The following TC2N variants were observed in gnomAD, a reference collection of about 807,000 sequenced individuals.
TC2N encodes the protein tandem C2 domains, nuclear, also known as tandem C2 domains nuclear protein.
Under a neutral mutation model 61.9 loss-of-function variants are expected in TC2N, and 51 were observed. The observed-to-expected ratio is 0.82, with a 90% CI of 0.66 to 1.04. The LOEUF is 1.04. TC2N is among the 50% of genes least tolerant of loss of function. TC2N has a pLI of 0.00. For missense variants in TC2N, 556 were observed against 566.7 expected, an observed-to-expected ratio of 0.98 and a Z score of 0.19; for synonymous variants, 204 against 192.6, an observed-to-expected ratio of 1.06 and a Z score of -0.49.
Position 91,797,903 on chromosome 14 carries a change from TA to T in TC2N, c.739-3del, listed in dbSNP as rs1438727453. On this transcript the variant is annotated splice_region_variant and splice_polypyrimidine_tract_variant and intron_variant, in intron 7 of 11. Coordinates refer to ENST00000435962, the MANE Select transcript of TC2N (RefSeq NM_001128596.3). ...AGAGGGCCAACTTAAATCTCTGCAC[TA>T]AAAAAATTAAAAATACAGTTTGAAT... is the stretch of plus-strand genomic sequence containing the variant. 4.7e-6 allele frequency: 7 copies of T among 1,490,454 alleles called. 1 individual carries two copies. The South Asian group carries it at 4.8e-5, about 10-fold the overall frequency. The allele number at this position is 1,490,454 out of a possible 1,614,324, so 92.3% of individuals were successfully genotyped here. A position where few individuals can be genotyped will look rare whatever the true frequency, so the allele number is the denominator to read the frequency against.
At chr14:91,808,775 T>A (rs1242940308) in intron 3 of TC2N, among the ~76,000 whole-genome samples, 2 of 152,168 alleles carry the variant, frequency 1.3e-5, no homozygotes, top group Non-Finnish European at 2.9e-5. Flanking sequence ...ATTTCTTACC[T>A]TTTTTCTGAT....
At chr14:91,807,722 A>T (rs1400271866) in intron 3 of TC2N, among the ~76,000 whole-genome samples, 1 of 152,084 alleles carries the variant, frequency 6.6e-6, no homozygotes, top group Non-Finnish European at 1.5e-5. Context: ...TGAATTGTGG[A>T]CTTTTGAGTT....
intron 1 of TC2N, among the ~76,000 whole-genome samples, chr14:91,833,110 A>G (rs1887859778): frequency 6.6e-6 from 1 of 152,236 alleles, no homozygotes; most frequent in Non-Finnish European, 1.5e-5. Context: ...GGGAGAATAC[A>G]CAGGTTGGCT....
At chr14:91,828,015 A>G (rs1467189833) in intron 1 of TC2N, among the ~76,000 whole-genome samples, 1 of 152,138 alleles carries the variant, frequency 6.6e-6, no homozygotes, top group East Asian at 1.9e-4. Context: ...AACATATTTC[A>G]CCAATTACTT....
chr14:91,831,446 A>G (rs1291494175), intron 1 of TC2N, among the ~76,000 whole-genome samples: 1 of 152,216 alleles, frequency 6.6e-6, no homozygotes, highest in Admixed American at 6.5e-5. Flanking sequence ...AATTTAAAAG[A>G]AGCATGGGTG....
rs758523553 is a variant in TC2N at position 91,792,572 on chromosome 14, C to T, written c.856-14G>A. ...AAATTCAATAGCCTTAAAAAAAAAA[C>T]AAGAAAACATAAAATATATAAATAA... On this transcript the variant is annotated splice_polypyrimidine_tract_variant and intron_variant, in intron 8 of 11. Transcript: ENST00000435962. 7.9e-7 allele frequency: 1 copy of T among 1,260,674 alleles called. No homozygotes were observed. The highest frequency in any genetic ancestry group is 1.5e-5 in the African/African-American group (1 of 65,440). 78.1% of individuals were successfully genotyped at this position (1,260,674 alleles called of 1,614,324 possible).
intron 9 of TC2N, among the ~76,000 whole-genome samples, chr14:91,788,418 T>G (rs1226633803): frequency 6.6e-6 from 1 of 152,190 alleles, no homozygotes; most frequent in Non-Finnish European, 1.5e-5. Flanking sequence ...ACAAAAACAC[T>G]ATTGTTTACA....
In TC2N at chr14:91,828,375, T is replaced by C. The variant is rs552954664; in HGVS notation, c.-56-14550A>G. On this transcript the variant is annotated intron_variant, in intron 1 of 11. Transcript: ENST00000435962. ...CAAGATATAATTTTATCTGTAAATA[T>C]TTCAGTATGCATCTCTAATATTTCA... Among the ~76,000 whole-genome samples the C allele has an allele frequency of 6.2e-4, 95 of 152,174 alleles. 3 individuals are homozygous for C. The South Asian group carries it at 0.019, about 31-fold the overall frequency.
chr14:91,813,314 A>T (rs1247904980), intron 2 of TC2N, among the ~76,000 whole-genome samples: 1 of 151,678 alleles, frequency 6.6e-6, no homozygotes, highest in African/African-American at 2.4e-5. Context: ...TCTTTATTTA[A>T]ATCAAAACAT....
chr14:91,837,170 A>C lies in TC2N; in HGVS notation c.-56-23345T>G, dbSNP rs572507922. Among the ~76,000 whole-genome samples the C allele has an allele frequency of 6.6e-6, 1 of 152,222 alleles. No homozygotes were observed. The highest frequency in any genetic ancestry group is 2.4e-5 in the African/African-American group (1 of 41,538). ...GGGCTTCCTTGGTGGAAATCTCAAC[A>C]CTGCTTGGAAATGAGTTTCCTAGAC... is the stretch of plus-strand genomic sequence containing the variant. On this transcript the variant is annotated intron_variant, in intron 1 of 11. Transcript: ENST00000435962. The surrounding 1 kb of genome is among the most constrained non-coding windows in gnomAD (Gnocchi z 4.2).
chr14:91,809,777 A>C (rs1194185741), intron 3 of TC2N, among the ~76,000 whole-genome samples: 1 of 152,162 alleles, frequency 6.6e-6, no homozygotes, highest in Non-Finnish European at 1.5e-5. Flanking sequence ...GAAAGGAGAG[A>C]TTCCCAAATT....
At chr14:91,788,232 G>A (rs8022792) in intron 9 of TC2N, among the ~76,000 whole-genome samples, 152,277 of 152,278 alleles carry the variant, frequency 1, 76,138 homozygotes, top group Non-Finnish European at 1. Context: ...TGAGGCAAAC[G>A]GCAAAATGAA....
At chr14:91,812,193 A>G (rs1424536361) in intron 3 of TC2N, 119 bp downstream of exon 3, 1 of 487,482 alleles carries the variant, frequency 2.1e-6, no homozygotes, top group East Asian at 3.5e-5. Flanking sequence ...AGAAAGAGCA[A>G]AATATAAAAA....
intron 1 of TC2N, among the ~76,000 whole-genome samples, chr14:91,842,771 G>A (rs577631352): frequency 6.6e-6 from 1 of 152,288 alleles, no homozygotes; most frequent in Admixed American, 6.5e-5. Context: ...TACCACAGAA[G>A]GGACTAACCT....
At chr14:91,852,289 G>C (rs1417563958) in intron 1 of TC2N, among the ~76,000 whole-genome samples, 1 of 152,170 alleles carries the variant, frequency 6.6e-6, no homozygotes, top group African/African-American at 2.4e-5. Flanking sequence ...ACCTTAGCCG[G>C]GTGTGGTGGT....
intron 3 of TC2N, among the ~76,000 whole-genome samples, chr14:91,811,501 ATCT>A (rs1001625933): frequency 6.6e-6 from 1 of 151,788 alleles, no homozygotes; most frequent in African/African-American, 2.4e-5. Context: ...ATGTTGTTTC[ATCT>A]TCTCTCTAAT....
intron 3 of TC2N, among the ~76,000 whole-genome samples, chr14:91,807,673 C>T (rs1886577077): frequency 6.6e-6 from 1 of 152,194 alleles, no homozygotes; most frequent in African/African-American, 2.4e-5. Flanking sequence ...TTTGCAGGCT[C>T]ATAGGCGGAA....
At chr14:91,819,375 A>G (rs983756699) in intron 1 of TC2N, among the ~76,000 whole-genome samples, 2 of 152,120 alleles carry the variant, frequency 1.3e-5, no homozygotes, top group East Asian at 3.8e-4. Context: ...ATAGCTCTCA[A>G]TGGAAACAAA....
intron 1 of TC2N, among the ~76,000 whole-genome samples, chr14:91,842,742 A>T (rs11846440): frequency 0.097 from 14,751 of 152,160 alleles, 1,593 homozygotes; most frequent in African/African-American, 0.27. Context: ...TAGCGTTGAG[A>T]TATGATAGCT....
Sources: gnomAD v4.1 joint callset for allele counts (sites outside exome capture counted in the v4.1 genomes callset) on GRCh38, gnomAD v4.1.1 for gene constraint, Gnocchi (gnomAD v3.1) non-coding constraint, MANE v1.5 for transcripts, NCBI Gene and HGNC (gene_info 2026-07-23, HGNC 2026-07-21) for gene names.